Variants in PCNX1 observed in about 807,000 individuals in gnomAD.
PCNX1 encodes pecanex-like protein 1.
Under a neutral mutation model 242.2 loss-of-function variants are expected in PCNX1, and 78 were observed. The ratio of observed to expected loss-of-function variants is 0.32; its 90% CI spans 0.27 to 0.39. PCNX1 has a LOEUF of 0.39. Among genes scored for constraint, PCNX1 ranks in the 10% least tolerant of loss-of-function variants. The pLI is 1.00. For missense variants in PCNX1, 2,581 were observed against 2,856.5 expected (o/e 0.90, Z 2.20); for synonymous variants, 1,024 against 1,032.9 (o/e 0.99, Z 0.17).
In PCNX1 at chr14:71,103,402, A is replaced by C; in HGVS notation, c.5828A>C (p.Lys1943Thr). ...YLSFRVIKVN[K>T]ECVRGLWAGQ... is the part of the protein sequence containing the mutation. ...TTGTGTTCTGGTTTTCAGGTGAATA[A>C]GGAATGTGTCCGAGGTCTTTGGGCA... Residue 1943 changes from lysine to threonine, a missense_variant, in exon 32 of 36, where the codon AAG becomes ACG. Physicochemically the swap from Lys to Thr is moderately conservative, Grantham distance 78. Around this residue, in one of 9 missense-constraint regions of PCNX1, gnomAD observed 298 missense variants for 480.1 expected, o/e 0.62. Transcript: ENST00000304743. 1 of 1,613,956 alleles carries C rather than the reference A, an allele frequency of 6.2e-7. No individual in the cohort carries two copies. The highest frequency in any genetic ancestry group is 8.5e-7 in the Non-Finnish European group (1 of 1,179,826).
chr14:70,919,454 CTG>C (rs950410419), intron 1 of PCNX1, among the ~76,000 whole-genome samples: 1 of 151,962 alleles, frequency 6.6e-6, no homozygotes, highest in African/African-American at 2.4e-5. Flanking sequence ...AATGATTTTC[CTG>C]TGTCTCTTAG....
At chr14:70,989,286 A>G (rs2059088653) in intron 7 of PCNX1, among the ~76,000 whole-genome samples, 1 of 150,438 alleles carries the variant, frequency 6.6e-6, no homozygotes, top group South Asian at 2.1e-4. Context: ...ATATATATTT[A>G]TATATATTTA....
intron 22 of PCNX1, 95 bp from the exon 23 acceptor site, chr14:71,050,557 T>A (rs541745223): frequency 1.7e-6 from 2 of 1,143,984 alleles, no homozygotes; most frequent in Admixed American, 5.7e-5. Flanking sequence ...TTAGGAGAAC[T>A]TCTCCTAATA....
chr14:71,073,849 G>GGAAT, intron 27 of PCNX1, 51 bp downstream of exon 27: 1 of 1,395,478 alleles, frequency 7.2e-7, no homozygotes, highest in Non-Finnish European at 9.7e-7. Context: ...TTTCTTCTTG[G>GGAAT]GAATGACATA....
chr14:71,041,981 G>A (rs1389105417), intron 19 of PCNX1, among the ~76,000 whole-genome samples: 5 of 152,104 alleles, frequency 3.3e-5, no homozygotes, highest in Non-Finnish European at 7.4e-5. Context: ...TAATTGTACA[G>A]TTTCCAAAGT....
chr14:71,088,458 A>G (rs929232729), intron 29 of PCNX1, 28 bp downstream of exon 29: 4 of 1,347,584 alleles, frequency 3.0e-6, no homozygotes, highest in East Asian at 2.3e-5. Flanking sequence ...GTTCTGAGGA[A>G]GAGAGCATGG....
At chr14:70,986,076 G>A (rs1030196261) in intron 6 of PCNX1, among the ~76,000 whole-genome samples, 2 of 152,104 alleles carry the variant, frequency 1.3e-5, no homozygotes, top group African/African-American at 4.8e-5. Context: ...TTCCCTCTTT[G>A]GCTGGAATAG....
chr14:71,022,437 G>A (rs759346791), intron 12 of PCNX1, among the ~76,000 whole-genome samples: 1 of 152,142 alleles, frequency 6.6e-6, no homozygotes. Flanking sequence ...GAAGATAGGC[G>A]CTGTGGTTAA....
intron 28 of PCNX1, among the ~76,000 whole-genome samples, chr14:71,082,387 A>C (rs958233135): frequency 6.6e-6 from 1 of 152,152 alleles, no homozygotes; most frequent in Non-Finnish European, 1.5e-5. Context: ...CTTGGTCCAG[A>C]GCGGAGTTCA....
rs1450273156 is a variant in PCNX1, at chr14:70,995,828, T to C, written c.2532T>C (p.Ala844=). 1 of 1,613,748 alleles carries C rather than the reference T, an allele frequency of 6.2e-7. No individual in the cohort carries two copies. The highest frequency in any genetic ancestry group is 1.3e-5 in the African/African-American group (1 of 74,902). The change falls in exon 8 of 36, where the codon GCT becomes GCC. Residue 844 remains alanine, a synonymous_variant. Transcript: ENST00000304743. Reference sequence around the variant, plus strand: ...CTTCCCAGGCTGCAGTGCTCAGTGCTAGTGCCTCCTTGCTGGTGAGAAATG... The same window carrying C: ...CTTCCCAGGCTGCAGTGCTCAGTGCCAGTGCCTCCTTGCTGGTGAGAAATG... The part of the protein sequence containing the change: ...RPPSQAAVLS[A]SASLLVRNGS...
Position 71,026,237 on chromosome 14 carries a change from A to G in PCNX1, c.3304A>G (p.Ile1102Val). 6.2e-7 allele frequency: 1 copy of G among 1,611,978 alleles called. No individual in the cohort carries two copies. The highest frequency in any genetic ancestry group is 1.1e-5 in the South Asian group (1 of 90,658). The change falls in exon 14 of 36, where the codon ATA becomes GTA. Residue 1102 changes from isoleucine (I) to valine (V), a missense_variant. By Grantham distance (29) the Ile-to-Val change is conservative. Coordinates refer to ENST00000304743, the MANE Select transcript of PCNX1 (RefSeq NM_014982.3). ...LTATKFKLYG[I>V]TFTNPLVFIS... ...TGCAACCAAGTTCAAATTATATGGA[A>G]TAACTTTCACCAATCCACTGGTGTT...
At chr14:71,083,629 G>A (rs2061910937) in intron 28 of PCNX1, among the ~76,000 whole-genome samples, 1 of 151,594 alleles carries the variant, frequency 6.6e-6, no homozygotes, top group South Asian at 2.1e-4. Context: ...CCTTTCTCCT[G>A]CTTGATCGAT....
intron 18 of PCNX1, 127 bp from the exon 19 acceptor site, chr14:71,035,938 T>C (rs2060518604): frequency 3.4e-6 from 2 of 585,436 alleles, no homozygotes; most frequent in Non-Finnish European, 3.0e-6. Flanking sequence ...TCTTTTTTTT[T>C]TTCTTTAATA....
intron 28 of PCNX1, among the ~76,000 whole-genome samples, chr14:71,087,806 A>G (rs1291698561): frequency 2.6e-5 from 4 of 152,142 alleles, no homozygotes; most frequent in Admixed American, 1.3e-4. Context: ...GCTTCTTTCA[A>G]TTGTAAGGCA....
chr14:70,907,663 C>T lies in PCNX1; in HGVS notation c.-188C>T, dbSNP rs1298916323. 51 of 585,148 alleles carry T rather than the reference C, an allele frequency of 8.7e-5. No individual in the cohort carries two copies. The highest frequency in any genetic ancestry group is 1.1e-4 in the Non-Finnish European group (48 of 426,304). 36.2% of individuals were successfully genotyped at this position (585,148 alleles called of 1,614,324 possible). ...GCCGCCTCCTCCTCTCGGGTCTCCTCCTCCTCGTTTGCTGCCTCCTCCTCC... is the reference window on the plus strand; with the variant it reads ...GCCGCCTCCTCCTCTCGGGTCTCCTTCTCCTCGTTTGCTGCCTCCTCCTCC... On this transcript the variant is annotated 5_prime_UTR_variant, in exon 1 of 36. Transcript: ENST00000304743.
chr14:70,981,349 C>T (rs1566655403), intron 6 of PCNX1, among the ~76,000 whole-genome samples: 1 of 152,108 alleles, frequency 6.6e-6, no homozygotes, highest in Admixed American at 6.6e-5. Context: ...TAGAGATAGT[C>T]TAAGTGTGCC....
intron 8 of PCNX1, among the ~76,000 whole-genome samples, chr14:71,002,598 T>A (rs2059536475): frequency 6.6e-6 from 1 of 152,226 alleles, no homozygotes; most frequent in Admixed American, 6.5e-5. Context: ...GCAGTTGATA[T>A]AAATGGAGTC....
intron 26 of PCNX1, among the ~76,000 whole-genome samples, chr14:71,065,424 G>A (rs1189506694): frequency 6.6e-6 from 1 of 152,126 alleles, no homozygotes; most frequent in African/African-American, 2.4e-5. Context: ...CTTCTTTTGA[G>A]AAGTGTCTGT....
intron 1 of PCNX1, among the ~76,000 whole-genome samples, chr14:70,940,998 C>T (rs1482674154): frequency 6.6e-6 from 1 of 152,108 alleles, no homozygotes; most frequent in East Asian, 1.9e-4. Flanking sequence ...GTCTTCTCTA[C>T]ATTGTTTATT....
Sources: gnomAD v4.1 joint callset for allele counts (sites outside exome capture counted in the v4.1 genomes callset) on GRCh38, gnomAD v4.1.1 for gene constraint, gnomAD v4.1.1 regional missense constraint, MANE v1.5 for transcripts, NCBI Gene and HGNC (gene_info 2026-07-23, HGNC 2026-07-21) for gene names.